Variants in SLC38A1 observed in about 807,000 individuals in gnomAD.
SLC38A1 encodes the protein sodium-coupled neutral amino acid symporter 1.
In SLC38A1, 18 loss-of-function variants were observed where a neutral mutation model predicts 60.3. The observed-to-expected ratio is 0.30, with a 90% CI of 0.21 to 0.44. The LOEUF is 0.44. Ranked by LOEUF, SLC38A1 falls within the 20% of genes least tolerant of loss-of-function variation. The pLI, the probability that SLC38A1 is intolerant of heterozygous loss-of-function variation, is 1.00. For synonymous variants in SLC38A1, 196 were observed against 212.1 expected (o/e 0.92, Z 0.66); for missense variants, 448 against 587.2 (o/e 0.76, Z 2.45).
intron 1 of SLC38A1, among the ~76,000 whole-genome samples, chr12:46,251,977 C>T (rs1377344469): frequency 1.3e-5 from 2 of 152,086 alleles, no homozygotes; most frequent in Non-Finnish European, 2.9e-5. Flanking sequence ...ACCCAGCAAT[C>T]CCATTACTGG....
At chr12:46,242,186 A>C (rs904270627) in intron 2 of SLC38A1, among the ~76,000 whole-genome samples, 1 of 152,174 alleles carries the variant, frequency 6.6e-6, no homozygotes. Flanking sequence ...ACTAGTACAA[A>C]TTAATCACAA....
intron 2 of SLC38A1, among the ~76,000 whole-genome samples, chr12:46,240,725 A>G (rs907500472): frequency 1.3e-5 from 2 of 152,234 alleles, no homozygotes; most frequent in Admixed American, 1.3e-4. Context: ...ATCAACTGCA[A>G]GAGATTAAAT....
Position 46,188,766 on chromosome 12 carries a change from C to T in SLC38A1, c.*204G>A. ...AAATTTGAAAAAAAAATTTCACAAT[C>T]CCTAAATTGATCTCAAATCTTGGAG... On this transcript the variant is annotated 3_prime_UTR_variant, in exon 17 of 17. Transcript: ENST00000398637. The T allele has an allele frequency of 2.1e-6, 1 of 465,266 alleles. No individual in the cohort carries two copies. The highest frequency in any genetic ancestry group is 3.9e-6 in the Non-Finnish European group (1 of 258,934). 28.8% of individuals were successfully genotyped at this position (465,266 alleles called of 1,614,324 possible). A position where few individuals can be genotyped will look rare whatever the true frequency, so the allele number is the denominator to read the frequency against.
intron 3 of SLC38A1, among the ~76,000 whole-genome samples, chr12:46,233,935 C>T (rs572894747): frequency 6.6e-6 from 1 of 152,204 alleles, no homozygotes; most frequent in Non-Finnish European, 1.5e-5. Flanking sequence ...AATCTTAGCT[C>T]CCCCTGCTCC....
intron 1 of SLC38A1, among the ~76,000 whole-genome samples, chr12:46,247,279 A>T (rs1002992872): frequency 1.3e-5 from 2 of 152,172 alleles, no homozygotes; most frequent in Non-Finnish European, 2.9e-5. Context: ...GGAAGCTAAA[A>T]ACCTTGAAAA....
chr12:46,203,212 A>G, intron 11 of SLC38A1, 123 bp from the exon 12 acceptor site: 1 of 800,220 alleles, frequency 1.2e-6, no homozygotes, highest in Non-Finnish European at 2.0e-6. Flanking sequence ...TTATTCGGTT[A>G]TTAGGGAGGT....
chr12:46,236,502 A>C (rs1407577699), intron 3 of SLC38A1, among the ~76,000 whole-genome samples: 1 of 152,180 alleles, frequency 6.6e-6, no homozygotes, highest in Non-Finnish European at 1.5e-5. Flanking sequence ...TGAGGCTCAG[A>C]GCACAAGATC....
At position 46,220,859 on chromosome 12, in the gene SLC38A1, G is replaced by A. The variant is rs115015728; in HGVS notation, c.314+8294C>T. ...AATTGGTTAAGAATATAATTCTCCCGATAGAATGAGAAGACTATTTTTTGT... is the reference window on the plus strand; with the variant it reads ...AATTGGTTAAGAATATAATTCTCCCAATAGAATGAGAAGACTATTTTTTGT... On this transcript the variant is annotated intron_variant, in intron 5 of 16. Coordinates refer to ENST00000398637, the MANE Select transcript of SLC38A1 (RefSeq NM_030674.4). 4.5e-3 allele frequency among the ~76,000 whole-genome samples: 690 copies of A among 152,248 alleles called. 8 individuals are homozygous for A. Among genetic ancestry groups the A allele is most frequent in the African/African-American group, 0.016 (660 of 41,538 alleles).
intron 3 of SLC38A1, among the ~76,000 whole-genome samples, chr12:46,231,666 T>A (rs899832144): frequency 6.6e-6 from 1 of 152,202 alleles, no homozygotes; most frequent in Non-Finnish European, 1.5e-5. Context: ...TTTAATAAAC[T>A]TTTTTCTGAG....
chr12:46,232,666 T>C (rs1941120091), intron 3 of SLC38A1, among the ~76,000 whole-genome samples: 3 of 152,366 alleles, frequency 2.0e-5, no homozygotes, highest in Non-Finnish European at 2.9e-5. Context: ...GTCAAAAGAC[T>C]GTACAGTGTC....
At chr12:46,239,324 A>ACTTTTTTTTTTTTTTTTTTTTT in intron 3 of SLC38A1, 1 of 152,154 alleles carries the variant, frequency 6.6e-6, no homozygotes, top group Non-Finnish European at 1.4e-5. Flanking sequence ...CTTTTTCTTT[A>ACTTTTTTTTTTTTTTTTTTTTT]CTTTTTTTTT....
In SLC38A1 at chr12:46,204,204, G is replaced by A. The variant is rs1361212658; in HGVS notation, c.822+97C>T. 2.5e-5 allele frequency: 20 copies of A among 784,990 alleles called. 1 individual carries two copies. The highest frequency in any genetic ancestry group is 2.4e-4 in the South Asian group (16 of 67,572). 48.6% of individuals were successfully genotyped at this position (784,990 alleles called of 1,614,324 possible). On this transcript the variant is annotated intron_variant, in intron 11 of 16. Coordinates refer to ENST00000398637, the MANE Select transcript of SLC38A1 (RefSeq NM_030674.4). ...GCAATGGTATCATGTGTTCTTTTGA[G>A]AACTAATACATTCAAACCAGTGCAA...
intron 2 of SLC38A1, among the ~76,000 whole-genome samples, chr12:46,240,427 C>A (rs907168896): frequency 6.6e-6 from 1 of 152,172 alleles, no homozygotes; most frequent in African/African-American, 2.4e-5. Flanking sequence ...AACTACTGAC[C>A]TCAGGTGATC....
intron 2 of SLC38A1, among the ~76,000 whole-genome samples, chr12:46,241,246 A>AG (rs1941436863): frequency 6.6e-6 from 1 of 152,192 alleles, no homozygotes; most frequent in Non-Finnish European, 1.5e-5. Context: ...AGCCTAGTTA[A>AG]GGGTCAAACC....
At chr12:46,213,720 T>C (rs1258227914) in intron 5 of SLC38A1, among the ~76,000 whole-genome samples, 1 of 152,240 alleles carries the variant, frequency 6.6e-6, no homozygotes, top group Admixed American at 6.5e-5. Context: ...ATAACTGTGA[T>C]CATCTTGTCT....
At chr12:46,216,338 A>G (rs549956209) in intron 5 of SLC38A1, among the ~76,000 whole-genome samples, 1 of 152,304 alleles carries the variant, frequency 6.6e-6, no homozygotes, top group African/African-American at 2.4e-5. Context: ...GCAGACCAAG[A>G]ACTTAGTGTC....
intron 1 of SLC38A1, among the ~76,000 whole-genome samples, chr12:46,257,760 A>T (rs1470421436): frequency 1.3e-5 from 2 of 152,176 alleles, no homozygotes; most frequent in Non-Finnish European, 2.9e-5. Context: ...CACAGTCGCC[A>T]GAAAGATGTT....
At position 46,202,201 on chromosome 12, in the gene SLC38A1, AAAAT is replaced by A. The variant is rs200781841; in HGVS notation, c.902+805_902+808del. Among the ~76,000 whole-genome samples, 121 of 128,784 alleles carry A rather than the reference AAAAT, an allele frequency of 9.4e-4. 3 individuals carry two copies. Among genetic ancestry groups the A allele is most frequent in the African/African-American group, 1.5e-3 (44 of 28,636 alleles). The allele number at this position is 128,784 out of a possible 152,430, so 84.5% of individuals were successfully genotyped here. ...AGGGAGACTCTGTCTCAAAAAAAAA[AAAAT>A]AAATAAAGAAAAATTGAGAAGTATA... On this transcript the variant is annotated intron_variant, in intron 12 of 16. Coordinates refer to ENST00000398637, the MANE Select transcript of SLC38A1 (RefSeq NM_030674.4).
At chr12:46,240,997 A>G (rs937579084) in intron 2 of SLC38A1, among the ~76,000 whole-genome samples, 1 of 152,258 alleles carries the variant, frequency 6.6e-6, no homozygotes. Context: ...TGGCCATGCC[A>G]CCCTGAATGT....
Sources: allele counts gnomAD v4.1 joint callset (sites outside exome capture counted in the v4.1 genomes callset), GRCh38; gene constraint gnomAD v4.1.1; transcripts MANE v1.5; gene names NCBI Gene and HGNC (gene_info 2026-07-23, HGNC 2026-07-21).